Variants in PDSS2 observed in about 807,000 individuals in gnomAD.
The protein encoded by PDSS2 is all trans-polyprenyl-diphosphate synthase PDSS2.
Under a neutral mutation model 44.5 loss-of-function variants are expected in PDSS2, and 31 were observed. The observed-to-expected ratio is 0.70, with a 90% CI of 0.52 to 0.94. The LOEUF (loss-of-function observed/expected upper bound fraction) is 0.94. Among genes scored for constraint, PDSS2 ranks in the 40% least tolerant of loss-of-function variants. The pLI is 0.00. For missense variants in PDSS2, 452 were observed against 482.2 expected (o/e 0.94, Z 0.59); for synonymous variants, 157 against 180.3 (o/e 0.87, Z 1.03).
rs183226938 is a variant in PDSS2, at chr6:107,339,756, A to T, written c.297-5424T>A. 2.3e-3 allele frequency among the ~76,000 whole-genome samples: 350 copies of T among 152,264 alleles called. 3 individuals carry two copies. The highest frequency in any genetic ancestry group is 8.1e-3 in the African/African-American group (337 of 41,550). On this transcript the variant is annotated intron_variant, in intron 1 of 7. Coordinates refer to ENST00000369037, the MANE Select transcript of PDSS2 (RefSeq NM_020381.4). ...AGGGGGGTATATTTGCAGCACAAGG[A>T]GGGGCATATGCCAGGCTGAGAGCAC...
chr6:107,283,039 C>A (rs1381075810), intron 2 of PDSS2, among the ~76,000 whole-genome samples: 1 of 151,472 alleles, frequency 6.6e-6, no homozygotes, highest in Non-Finnish European at 1.5e-5. Flanking sequence ...AACAGTTTGG[C>A]TGGGTGTGGT....
chr6:107,445,015 T>C (rs1356391478), intron 1 of PDSS2, among the ~76,000 whole-genome samples: 1 of 152,044 alleles, frequency 6.6e-6, no homozygotes, highest in East Asian at 1.9e-4. Flanking sequence ...AAATAAAGCC[T>C]TACTACTCAA....
chr6:107,291,487 A>C (rs1292955009), intron 2 of PDSS2, among the ~76,000 whole-genome samples: 1 of 150,474 alleles, frequency 6.6e-6, no homozygotes, highest in Non-Finnish European at 1.5e-5. Context: ...AGCTGGGATT[A>C]CAGGTGCGCG....
chr6:107,291,134 T>C (rs1290432510), intron 2 of PDSS2, among the ~76,000 whole-genome samples: 1 of 152,136 alleles, frequency 6.6e-6, no homozygotes, highest in Non-Finnish European at 1.5e-5. Flanking sequence ...CAAATATTAA[T>C]TTTTTATAAG....
chr6:107,233,620 C>T (rs56057536), intron 4 of PDSS2, among the ~76,000 whole-genome samples: 23,972 of 151,372 alleles, frequency 0.16, 2,117 homozygotes, highest in South Asian at 0.23. Flanking sequence ...CAGACCAGCC[C>T]GGGCAACGAA....
At chr6:107,369,216 G>A (rs567132011) in intron 1 of PDSS2, among the ~76,000 whole-genome samples, 10 of 152,136 alleles carry the variant, frequency 6.6e-5, no homozygotes, top group African/African-American at 2.4e-4. Context: ...TCAGGAGTTC[G>A]AGACTAGCCT....
chr6:107,161,054 T>A (rs549996497), intron 7 of PDSS2, among the ~76,000 whole-genome samples: 4 of 152,096 alleles, frequency 2.6e-5, no homozygotes, highest in Non-Finnish European at 1.5e-5. Flanking sequence ...TGTATTTTTT[T>A]AATAGAGATG....
intron 1 of PDSS2, among the ~76,000 whole-genome samples, chr6:107,384,629 GAGACTCTGTCTCAAAACCAAAAAA>G (rs1479630190): frequency 8.7e-5 from 13 of 148,820 alleles, no homozygotes; most frequent in African/African-American, 2.2e-4. Flanking sequence ...CAACAAAAGT[GAGACTCTGTCTCAAAACCAAAAAA>G]AAACACAAAA....
chr6:107,293,202 C>T (rs887227716), intron 2 of PDSS2, among the ~76,000 whole-genome samples: 2 of 152,136 alleles, frequency 1.3e-5, no homozygotes, highest in Admixed American at 6.6e-5. Flanking sequence ...ATAAAGCTGC[C>T]TCTAACTCAA....
intron 1 of PDSS2, among the ~76,000 whole-genome samples, chr6:107,371,762 A>T (rs1272657446): frequency 6.6e-6 from 1 of 152,202 alleles, no homozygotes; most frequent in Non-Finnish European, 1.5e-5. Context: ...CAGTTCCTTG[A>T]ATTAATTTAC....
chr6:107,302,562 C>A (rs1292506421), intron 2 of PDSS2, among the ~76,000 whole-genome samples: 4 of 152,110 alleles, frequency 2.6e-5, no homozygotes, highest in African/African-American at 4.8e-5. Context: ...GCCACAGTGC[C>A]TGAATTAAAT....
At chr6:107,241,262 A>AAAAG (rs942423419) in intron 4 of PDSS2, among the ~76,000 whole-genome samples, 4 of 151,390 alleles carry the variant, frequency 2.6e-5, no homozygotes, top group African/African-American at 9.7e-5. Context: ...AAAAAAAAAA[A>AAAAG]AAAGTATTAG....
At chr6:107,359,522 G>C (rs2114266581) in intron 1 of PDSS2, among the ~76,000 whole-genome samples, 1 of 151,764 alleles carries the variant, frequency 6.6e-6, no homozygotes, top group East Asian at 2.0e-4. Context: ...TACTTGGAAG[G>C]CTGAGGCATG....
chr6:107,281,656 A>G (rs1775963819), intron 2 of PDSS2, among the ~76,000 whole-genome samples: 1 of 152,180 alleles, frequency 6.6e-6, no homozygotes. Context: ...TTTTTTGTCT[A>G]AAGACTTTTT....
intron 6 of PDSS2, among the ~76,000 whole-genome samples, chr6:107,205,744 G>A (rs180988015): frequency 6.6e-6 from 1 of 152,258 alleles, no homozygotes; most frequent in Non-Finnish European, 1.5e-5. Context: ...TAGTTGTGAT[G>A]GAAGAGGGCT....
chr6:107,162,180 G>C (rs1479404510), intron 7 of PDSS2, among the ~76,000 whole-genome samples: 1 of 152,082 alleles, frequency 6.6e-6, no homozygotes, highest in Non-Finnish European at 1.5e-5. Context: ...GTCACAGCTA[G>C]GAAAGCTAAC....
chr6:107,213,754 C>G (rs971750986), intron 4 of PDSS2, among the ~76,000 whole-genome samples: 2 of 151,728 alleles, frequency 1.3e-5, no homozygotes, highest in Non-Finnish European at 2.9e-5. Flanking sequence ...AAGACTGTCT[C>G]AAAACAAAGA....
intron 1 of PDSS2, among the ~76,000 whole-genome samples, chr6:107,415,852 C>T (rs147948987): frequency 4.2e-4 from 64 of 152,298 alleles, no homozygotes; most frequent in African/African-American, 1.5e-3. Context: ...TATCAGAGAA[C>T]TGCATTCACT....
chr6:107,268,942 A>T (rs978106705), intron 3 of PDSS2, among the ~76,000 whole-genome samples: 2 of 147,582 alleles, frequency 1.4e-5, no homozygotes, highest in African/African-American at 2.5e-5. Context: ...AACAAATAGT[A>T]TTTTTTTTTT....
Sources: allele counts gnomAD v4.1 joint callset (sites outside exome capture counted in the v4.1 genomes callset), GRCh38; gene constraint gnomAD v4.1.1; transcripts MANE v1.5; gene names NCBI Gene and HGNC (gene_info 2026-07-23, HGNC 2026-07-21).